The following METAP1 variants were observed in gnomAD, a reference collection of about 807,000 sequenced individuals.
The protein encoded by METAP1 is methionine aminopeptidase 1.
In METAP1, 28 loss-of-function variants were observed where a neutral mutation model predicts 53.8. The observed-to-expected ratio is 0.52, with a 90% CI of 0.39 to 0.71. The LOEUF is 0.71. Among genes scored for constraint, METAP1 ranks in the 30% least tolerant of loss-of-function variants. The probability of loss-of-function intolerance (pLI) is 0.00; values close to 1 mark genes in which losing one functional copy is unlikely to be tolerated. For synonymous variants in METAP1, 181 were observed against 165.7 expected (o/e 1.09, Z -0.71); for missense variants, 389 against 479.8 (o/e 0.81, Z 1.77).
chr4:99,050,999 A>T (rs1376245216), intron 9 of METAP1, among the ~76,000 whole-genome samples: 1 of 152,242 alleles, frequency 6.6e-6, no homozygotes, highest in African/African-American at 2.4e-5. Context: ...AATAAAAGCT[A>T]GCAACAGAAA....
At chr4:99,011,560 T>C (rs536204336) in intron 1 of METAP1, among the ~76,000 whole-genome samples, 58 of 152,230 alleles carry the variant, frequency 3.8e-4, no homozygotes, top group Non-Finnish European at 7.5e-4. Context: ...TGTTAGTGTT[T>C]TGTTCAAGAT....
At chr4:98,998,183 ATCAAG>A (rs1386145505) in intron 1 of METAP1, among the ~76,000 whole-genome samples, 1 of 152,196 alleles carries the variant, frequency 6.6e-6, no homozygotes, top group Non-Finnish European at 1.5e-5. Flanking sequence ...TGAGACCTTG[ATCAAG>A]TCACTGTAAC....
chr4:99,004,623 A>T (rs1723094130), intron 1 of METAP1, among the ~76,000 whole-genome samples: 1 of 152,176 alleles, frequency 6.6e-6, no homozygotes. Flanking sequence ...AACAAGTGAA[A>T]ACAGAAGGCT....
intron 1 of METAP1, among the ~76,000 whole-genome samples, chr4:99,003,118 T>C (rs543402000): frequency 2.0e-5 from 3 of 152,264 alleles, no homozygotes; most frequent in South Asian, 2.1e-4. Flanking sequence ...CCCCTGTTAA[T>C]TGGGGTCTGC....
At chr4:99,004,973 T>C (rs147232673) in intron 1 of METAP1, among the ~76,000 whole-genome samples, 1 of 152,306 alleles carries the variant, frequency 6.6e-6, no homozygotes, top group African/African-American at 2.4e-5. Flanking sequence ...ATAGTCCTCC[T>C]CTAGACATTC....
At chr4:99,006,223 G>A (rs968912185) in intron 1 of METAP1, among the ~76,000 whole-genome samples, 1 of 152,110 alleles carries the variant, frequency 6.6e-6, no homozygotes, top group Admixed American at 6.5e-5. Context: ...TGCTATTCTT[G>A]TATAGACAAG....
In METAP1 at chr4:99,043,330, G is replaced by A; in HGVS notation, c.598G>A (p.Val200Ile). The A allele has an allele frequency of 1.2e-6, 2 of 1,606,508 alleles. No individual in the cohort carries two copies. The highest frequency in any genetic ancestry group is 1.7e-6 in the Non-Finnish European group (2 of 1,176,030). The change falls in exon 7 of 11, where the codon GTC becomes ATC. Residue 200 changes from valine to isoleucine, a missense_variant. Val to Ile is a conservative substitution (Grantham distance 29). Transcript: ENST00000296411. ...GTCTTGTTGTACCTCAGTGAATGAA[G>A]TCATTTGCCATGGAATACCAGACAG... ...PKSCCTSVNEVICHGIPDRRP... is the reference protein window; with the variant it reads ...PKSCCTSVNEIICHGIPDRRP...
Position 98,997,676 on chromosome 4 carries a change from G to A in METAP1, c.114+1809G>A, listed in dbSNP as rs532402886. 2.0e-5 allele frequency among the ~76,000 whole-genome samples: 3 copies of A among 152,344 alleles called. No homozygotes were observed. The South Asian group carries it at 6.2e-4, about 32-fold the overall frequency. ...GGTAGAAAGAAGGTGAATCACTGGG[G>A]TTTGTGGAAAAATGCTAGACAAATT... On this transcript the variant is annotated intron_variant, in intron 1 of 10. Coordinates refer to ENST00000296411, the MANE Select transcript of METAP1 (RefSeq NM_015143.3).
At chr4:99,003,274 ATGTG>A (rs35610664) in intron 1 of METAP1, among the ~76,000 whole-genome samples, 2,064 of 152,326 alleles carry the variant, frequency 0.014, 39 homozygotes, top group African/African-American at 0.047. Flanking sequence ...TGTGTTTTGA[ATGTG>A]TGTTTAATGA....
At chr4:99,020,223 A>G (rs181955960) in intron 1 of METAP1, among the ~76,000 whole-genome samples, 135 of 152,204 alleles carry the variant, frequency 8.9e-4, no homozygotes, top group Non-Finnish European at 1.7e-3. Flanking sequence ...AAACTGGTCA[A>G]TTTGCTCTGC....
chr4:99,050,633 C>T (rs138287279), intron 9 of METAP1, among the ~76,000 whole-genome samples: 167 of 152,230 alleles, frequency 1.1e-3, no homozygotes, highest in African/African-American at 3.9e-3. Context: ...AGCAAGCAAG[C>T]GAGCTTTACC....
At position 98,995,852 on chromosome 4, in the gene METAP1, G is replaced by C. The variant is rs1432331909; in HGVS notation, c.99G>C (p.Ser33=). 4 of 1,541,546 alleles carry C rather than the reference G, an allele frequency of 2.6e-6. No individual in the cohort carries two copies. Among genetic ancestry groups the C allele is most frequent in the Non-Finnish European group, 2.6e-6 (3 of 1,142,282 alleles). The part of the protein sequence containing the change: ...PTCIKLGIQG[S]YFCSQECFKG... ...GCATCAAGCTGGGCATCCAGGGCTC[G>C]TACTTCTGCTCGCAGGTAGGCGCCC... Residue 33 remains serine (S), a synonymous_variant, in exon 1 of 11, where the codon TCG becomes TCC. Transcript: ENST00000296411.
At chr4:99,058,969 A>G (rs1333051645) in intron 10 of METAP1, among the ~76,000 whole-genome samples, 2 of 152,242 alleles carry the variant, frequency 1.3e-5, no homozygotes, top group East Asian at 3.8e-4. Context: ...TCCTCTTATA[A>G]TAAGGATAAA....
intron 4 of METAP1, among the ~76,000 whole-genome samples, chr4:99,037,592 C>A (rs1045571011): frequency 6.6e-6 from 1 of 151,884 alleles, no homozygotes; most frequent in Non-Finnish European, 1.5e-5. Flanking sequence ...ATTTGAAGTG[C>A]AACCTATATT....
In METAP1 at chr4:99,045,262, A is replaced by G. The variant is rs1277364869; in HGVS notation, c.739A>G (p.Lys247Glu). The change falls in exon 8 of 11, where the codon AAA becomes GAA. Residue 247 changes from lysine to glutamate, a missense_variant. Lys to Glu is a moderately conservative substitution (Grantham distance 56, BLOSUM62 1). Coordinates refer to ENST00000296411, the MANE Select transcript of METAP1 (RefSeq NM_015143.3). Reference sequence around the variant, plus strand: ...TGGAGAAGTGGATGATGGAGCACGGAAACTTGTTCAGACCACATATGAGTG... The same window carrying G: ...TGGAGAAGTGGATGATGGAGCACGGGAACTTGTTCAGACCACATATGAGTG... ...FVGEVDDGAR[K>E]LVQTTYECLM... 8 of 1,613,764 alleles carry G rather than the reference A, an allele frequency of 5.0e-6. No homozygotes were observed. The highest frequency in any genetic ancestry group is 3.4e-6 in the Non-Finnish European group (4 of 1,179,828).
chr4:99,025,197 C>G, intron 1 of METAP1: 1 of 227,104 alleles, frequency 4.4e-6, no homozygotes, highest in South Asian at 1.6e-4. Context: ...CTGTTTTAAA[C>G]TATAAACTAA....
chr4:99,018,538 G>T (rs1723910773), intron 1 of METAP1, among the ~76,000 whole-genome samples: 1 of 152,164 alleles, frequency 6.6e-6, no homozygotes, highest in African/African-American at 2.4e-5. Flanking sequence ...ATTTGAATGT[G>T]AATAGATCTT....
At chr4:99,035,207 C>T (rs1437128974) in intron 3 of METAP1, among the ~76,000 whole-genome samples, 193 bp from the exon 4 acceptor site, 1 of 152,156 alleles carries the variant, frequency 6.6e-6, no homozygotes, top group African/African-American at 2.4e-5. Flanking sequence ...CCACTTTCCC[C>T]CTTTCTAAAT....
intron 1 of METAP1, among the ~76,000 whole-genome samples, chr4:99,024,543 G>A (rs1338305133): frequency 3.9e-5 from 6 of 152,126 alleles, no homozygotes; most frequent in African/African-American, 1.4e-4. Context: ...TCCTGGGTGG[G>A]GGCCACAAGA....
Sources: allele counts gnomAD v4.1 joint callset (sites outside exome capture counted in the v4.1 genomes callset), GRCh38; gene constraint gnomAD v4.1.1; transcripts MANE v1.5; gene names NCBI Gene and HGNC (gene_info 2026-07-23, HGNC 2026-07-21).